PRMT5: variants seen among roughly 807,000 people sequenced by gnomAD.
PRMT5 encodes the protein protein arginine N-methyltransferase 5.
In PRMT5, 15 loss-of-function variants were observed where a neutral mutation model predicts 84.0. That is an observed-to-expected ratio of 0.18 (90% CI 0.12 to 0.28). PRMT5 has a LOEUF of 0.28. Ranked by LOEUF, PRMT5 falls within the 10% of genes least tolerant of loss-of-function variation. PRMT5 has a pLI of 1.00. For synonymous variants in PRMT5, 276 were observed against 292.4 expected (o/e 0.94, Z 0.57); for missense variants, 486 against 808.0 (o/e 0.60, Z 4.83).
At position 22,928,450 on chromosome 14, in the gene PRMT5, G is replaced by A; in HGVS notation, c.229+47C>T. 4.8e-6 allele frequency: 7 copies of A among 1,472,064 alleles called. No individual in the cohort carries two copies. The highest frequency in any genetic ancestry group is 1.1e-5 in the South Asian group (1 of 88,196). 91.2% of individuals were successfully genotyped at this position (1,472,064 alleles called of 1,614,324 possible). A position where few individuals can be genotyped will look rare whatever the true frequency, so the allele number is the denominator to read the frequency against. On this transcript the variant is annotated intron_variant, in intron 2 of 16. Coordinates refer to ENST00000324366, the MANE Select transcript of PRMT5 (RefSeq NM_006109.5). The surrounding 1 kb of genome is among the most constrained non-coding windows in gnomAD (Gnocchi z 4.8). ...GAATGAGGGCCCCGATAAAGCAGAA[G>A]TTGTTATTGCCTCTAATAATTAAGG...
rs2044356995 is a variant in PRMT5 at position 22,923,782 on chromosome 14, C to T, written c.1375+226G>A. Among the ~76,000 whole-genome samples the T allele has an allele frequency of 6.6e-6, 1 of 152,160 alleles. No individual in the cohort carries two copies. Among genetic ancestry groups the T allele is most frequent in the Non-Finnish European group, 1.5e-5 (1 of 68,024 alleles). Reference sequence around the variant, plus strand: ...CCTCCCAAAGTGCTGCAATTACAGGCATGAGCCACCGCGCCCAGCCCACTC... The same window carrying T: ...CCTCCCAAAGTGCTGCAATTACAGGTATGAGCCACCGCGCCCAGCCCACTC... On this transcript the variant is annotated intron_variant, in intron 12 of 16. Transcript: ENST00000324366. This position sits in a 1 kb window ranked among gnomAD's most constrained non-coding sequence, Gnocchi z 5.2.
In PRMT5 at chr14:22,928,376, T is replaced by C. The variant is rs909811982; in HGVS notation, c.229+121A>G. On this transcript the variant is annotated intron_variant, in intron 2 of 16. Coordinates refer to ENST00000324366, the MANE Select transcript of PRMT5 (RefSeq NM_006109.5). This position sits in a 1 kb window ranked among gnomAD's most constrained non-coding sequence, Gnocchi z 4.8. ...ATAGAGAAGCAAGGAGAAAACAAGTTATCTATATCCCAGGGACTAACAAAT... is the reference window on the plus strand; with the variant it reads ...ATAGAGAAGCAAGGAGAAAACAAGTCATCTATATCCCAGGGACTAACAAAT... The C allele has an allele frequency of 5.2e-6, 6 of 1,144,600 alleles. No individual in the cohort carries two copies. The Admixed American group carries it at 1.1e-4, about 21-fold the overall frequency. The allele number at this position is 1,144,600 out of a possible 1,614,324, so 70.9% of individuals were successfully genotyped here. A position where few individuals can be genotyped will look rare whatever the true frequency, so the allele number is the denominator to read the frequency against.
At chr14:22,925,637 T>A (rs1042812170) in intron 7 of PRMT5, among the ~76,000 whole-genome samples, 1 of 151,708 alleles carries the variant, frequency 6.6e-6, no homozygotes, top group African/African-American at 2.4e-5. Context: ...CTGGCCAACA[T>A]GATAAAACCT....
chr14:22,922,293 C>G, intron 15 of PRMT5, 53 bp from the exon 16 acceptor site: 1 of 1,511,010 alleles, frequency 6.6e-7, no homozygotes, highest in South Asian at 1.1e-5. Context: ...GTGACTTTTG[C>G]CTATGCTGAA....
chr14:22,927,602 G>A lies in PRMT5; in HGVS notation c.374C>T (p.Pro125Leu). The A allele has an allele frequency of 6.2e-7, 1 of 1,614,074 alleles. No individual in the cohort carries two copies. ...AYLGLPAFLL[P>L]LNQEDNTNLA... Reference sequence around the variant, plus strand: ...GTTGGTGTTATCTTCCTGATTAAGGGGCAGCAGGAAAGCTGGAAGACCCAA... The same window carrying A: ...GTTGGTGTTATCTTCCTGATTAAGGAGCAGCAGGAAAGCTGGAAGACCCAA... The change falls in exon 4 of 17, where the codon CCC becomes CTC. Residue 125 changes from proline to leucine, a missense_variant. By Grantham distance (98) the Pro-to-Leu change is moderately conservative (BLOSUM62 -3). Around this residue, in one of 4 missense-constraint regions of PRMT5, gnomAD observed 215 missense variants for 301.1 expected, o/e 0.71. Coordinates refer to ENST00000324366, the MANE Select transcript of PRMT5 (RefSeq NM_006109.5).
In PRMT5 at chr14:22,924,797, G is replaced by A. The variant is rs2044381024; in HGVS notation, c.939+82C>T. 2 of 1,590,600 alleles carry A rather than the reference G, an allele frequency of 1.3e-6. No individual in the cohort carries two copies. Among genetic ancestry groups the A allele is most frequent in the Admixed American group, 1.7e-5 (1 of 57,710 alleles). ...TCAAAAACTTTCCACTGCTTTCTGA[G>A]TTTTAGTAAGATTTGGAGGCATATA... is the stretch of plus-strand genomic sequence containing the variant. On this transcript the variant is annotated intron_variant, in intron 8 of 16. Transcript: ENST00000324366. The surrounding 1 kb of genome is among the most constrained non-coding windows in gnomAD (Gnocchi z 6.5).
Position 22,923,391 on chromosome 14 carries a change from T to A in PRMT5, c.1376-231A>T. Reference sequence around the variant, plus strand: ...TTTACAGAGTCACACAGATTAAAACTGAAAGAACCCAAGATAGTCTAATCT... The same window carrying A: ...TTTACAGAGTCACACAGATTAAAACAGAAAGAACCCAAGATAGTCTAATCT... On this transcript the variant is annotated intron_variant, in intron 12 of 16. Transcript: ENST00000324366. The surrounding 1 kb of genome is among the most constrained non-coding windows in gnomAD (Gnocchi z 5.2). The A allele has an allele frequency of 2.4e-6, 1 of 419,556 alleles. No individual in the cohort carries two copies. Among genetic ancestry groups the A allele is most frequent in the Non-Finnish European group, 4.2e-6 (1 of 237,590 alleles). The allele number at this position is 419,556 out of a possible 1,614,324, so 26.0% of individuals were successfully genotyped here.
rs752679427 is a variant in PRMT5 at position 22,922,466 on chromosome 14, A to T, written c.1673T>A (p.Val558Glu). ...LHGFAGYFET[V>E]LYQDITLSIR... ...ACTCAGAGTGATGTCCTGATAAAGCACAGTCTCAAAGTAGCCGGCAAAGCC... is the reference window on the plus strand; with the variant it reads ...ACTCAGAGTGATGTCCTGATAAAGCTCAGTCTCAAAGTAGCCGGCAAAGCC... The change falls in exon 15 of 17, where the codon GTG becomes GAG. Residue 558 changes from valine to glutamate, a missense_variant. Physicochemically the swap from Val to Glu is moderately radical, Grantham distance 121 (BLOSUM62 -2). Around this residue, in one of 4 missense-constraint regions of PRMT5, gnomAD observed 219 missense variants for 433.6 expected, o/e 0.51. Transcript: ENST00000324366. 6.2e-7 allele frequency: 1 copy of T among 1,613,306 alleles called. No homozygotes were observed. Among genetic ancestry groups the T allele is most frequent in the African/African-American group, 1.3e-5 (1 of 74,928 alleles).
chr14:22,921,076 A>C lies in PRMT5; in HGVS notation c.1762-20T>G. On this transcript the variant is annotated intron_variant, in intron 16 of 16. Coordinates refer to ENST00000324366, the MANE Select transcript of PRMT5 (RefSeq NM_006109.5). ...GGGCTGCTGTAAGAAGAAAGACAGG[A>C]AGGTTCAGGGTGAAGCTATGAATTA... 6.2e-7 allele frequency: 1 copy of C among 1,613,666 alleles called. No individual in the cohort carries two copies. Among genetic ancestry groups the C allele is most frequent in the Non-Finnish European group, 8.5e-7 (1 of 1,180,010 alleles).
intron 13 of PRMT5, 31 bp from the exon 14 acceptor site, chr14:22,922,866 T>A: frequency 6.3e-7 from 1 of 1,592,584 alleles, no homozygotes; most frequent in Non-Finnish European, 8.6e-7. Context: ...GAGAGAGTGT[T>A]GGGGAAGACA....
Position 22,920,762 on chromosome 14 carries a change from T to A in PRMT5, c.*142A>T. 8.1e-7 allele frequency: 1 copy of A among 1,236,406 alleles called. No homozygotes were observed. The highest frequency in any genetic ancestry group is 2.3e-5 in the East Asian group (1 of 42,624). 76.6% of individuals were successfully genotyped at this position (1,236,406 alleles called of 1,614,324 possible). Reference sequence around the variant, plus strand: ...ATTAATTATAATCCCTTGCCCACCTTGATGTAAGGCAGGAAAGCAGATTGA... The same window carrying A: ...ATTAATTATAATCCCTTGCCCACCTAGATGTAAGGCAGGAAAGCAGATTGA... On this transcript the variant is annotated 3_prime_UTR_variant, in exon 17 of 17. Coordinates refer to ENST00000324366, the MANE Select transcript of PRMT5 (RefSeq NM_006109.5).
chr14:22,924,810 T>C lies in PRMT5; in HGVS notation c.939+69A>G. On this transcript the variant is annotated intron_variant, in intron 8 of 16. Coordinates refer to ENST00000324366, the MANE Select transcript of PRMT5 (RefSeq NM_006109.5). This position sits in a 1 kb window ranked among gnomAD's most constrained non-coding sequence, Gnocchi z 6.5. ...ACTGCTTTCTGAGTTTTAGTAAGAT[T>C]TGGAGGCATATATTCTCAAGAAACA... The C allele has an allele frequency of 6.3e-7, 1 of 1,595,630 alleles. No individual in the cohort carries two copies. Among genetic ancestry groups the C allele is most frequent in the Non-Finnish European group, 8.6e-7 (1 of 1,167,970 alleles).
Position 22,923,861 on chromosome 14 carries a change from A to T in PRMT5, c.1375+147T>A. On this transcript the variant is annotated intron_variant, in intron 12 of 16. Coordinates refer to ENST00000324366, the MANE Select transcript of PRMT5 (RefSeq NM_006109.5). This position sits in a 1 kb window ranked among gnomAD's most constrained non-coding sequence, Gnocchi z 5.2. ...GTTTGGAGAGATGACTTCATTTGCTAGGGGCACAGAGGCAGTGAAGCAGTG... is the reference window on the plus strand; with the variant it reads ...GTTTGGAGAGATGACTTCATTTGCTTGGGGCACAGAGGCAGTGAAGCAGTG... The T allele has an allele frequency of 2.3e-6, 2 of 867,732 alleles. No individual in the cohort carries two copies. Among genetic ancestry groups the T allele is most frequent in the Non-Finnish European group, 3.5e-6 (2 of 578,248 alleles). 53.8% of individuals were successfully genotyped at this position (867,732 alleles called of 1,614,324 possible).
intron 7 of PRMT5, among the ~76,000 whole-genome samples, chr14:22,925,487 AT>A (rs1307055067): frequency 3.3e-5 from 5 of 152,214 alleles, no homozygotes; most frequent in African/African-American, 1.2e-4. Flanking sequence ...GTCTGTCCCA[AT>A]ACCAACAAAG....
chr14:22,922,480 G>T lies in PRMT5; in HGVS notation c.1659C>A (p.Gly553=). 1 of 1,613,994 alleles carries T rather than the reference G, an allele frequency of 6.2e-7. No individual in the cohort carries two copies. Among genetic ancestry groups the T allele is most frequent in the Non-Finnish European group, 8.5e-7 (1 of 1,179,890 alleles). The change falls in exon 15 of 17, where the codon GGC becomes GGA. Residue 553 remains glycine, a synonymous_variant. Coordinates refer to ENST00000324366, the MANE Select transcript of PRMT5 (RefSeq NM_006109.5). ...EVNTVLHGFA[G]YFETVLYQDI... Reference sequence around the variant, plus strand: ...CCTGATAAAGCACAGTCTCAAAGTAGCCGGCAAAGCCATGTAGTACTGTGT... The same window carrying T: ...CCTGATAAAGCACAGTCTCAAAGTATCCGGCAAAGCCATGTAGTACTGTGT...
chr14:22,925,133 GC>G, intron 7 of PRMT5, 93 bp from the exon 8 acceptor site: 2 of 1,328,852 alleles, frequency 1.5e-6, no homozygotes, highest in Non-Finnish European at 2.1e-6. Flanking sequence ...GTAAAATAAG[GC>G]CCAGATCAAC....
intron 13 of PRMT5, 102 bp from the exon 14 acceptor site, chr14:22,922,937 C>A: frequency 7.1e-7 from 1 of 1,402,190 alleles, no homozygotes; most frequent in Non-Finnish European, 9.9e-7. Flanking sequence ...CTTCCCCAAT[C>A]CCTAACTTCT....
In PRMT5 at chr14:22,928,389, G is replaced by C; in HGVS notation, c.229+108C>G. ...GAGAAAACAAGTTATCTATATCCCA[G>C]GGACTAACAAATATATCCAAGTCAG... is the stretch of plus-strand genomic sequence containing the variant. On this transcript the variant is annotated intron_variant, in intron 2 of 16. Transcript: ENST00000324366. This position sits in a 1 kb window ranked among gnomAD's most constrained non-coding sequence, Gnocchi z 4.8. The C allele has an allele frequency of 3.4e-6, 4 of 1,165,872 alleles. No homozygotes were observed. In the South Asian group the frequency reaches 5.0e-5, roughly 15 times the overall value. The allele number at this position is 1,165,872 out of a possible 1,614,324, so 72.2% of individuals were successfully genotyped here.
At chr14:22,921,770 C>A (rs1326707767) in intron 16 of PRMT5, among the ~76,000 whole-genome samples, 1 of 151,614 alleles carries the variant, frequency 6.6e-6, no homozygotes, top group African/African-American at 2.4e-5. Flanking sequence ...GTAATCTCAG[C>A]CTCAGGGAGG....
Sources: gnomAD v4.1 joint callset for allele counts (sites outside exome capture counted in the v4.1 genomes callset) on GRCh38, gnomAD v4.1.1 for gene constraint, gnomAD v4.1.1 regional missense constraint, Gnocchi (gnomAD v3.1) non-coding constraint, MANE v1.5 for transcripts, NCBI Gene and HGNC (gene_info 2026-07-23, HGNC 2026-07-21) for gene names.